The following DNAH7 variants were observed in gnomAD, a reference collection of about 807,000 sequenced individuals.
DNAH7 encodes dynein axonemal heavy chain 7.
Under a neutral mutation model 444.6 loss-of-function variants are expected in DNAH7, and 397 were observed. The ratio of observed to expected loss-of-function variants is 0.89; its 90% CI spans 0.82 to 0.97. The LOEUF is 0.97. DNAH7 is among the 50% of genes least tolerant of loss of function. The pLI is 0.00. For missense variants in DNAH7, 4,902 were observed against 4,800.8 expected, an observed-to-expected ratio of 1.02 and a Z score of -0.62; for synonymous variants, 1,636 against 1,624.4, an observed-to-expected ratio of 1.01 and a Z score of -0.17.
intron 54 of DNAH7, among the ~76,000 whole-genome samples, chr2:195,805,614 C>T (rs1387181062): frequency 6.6e-6 from 1 of 151,860 alleles, no homozygotes; most frequent in Non-Finnish European, 1.5e-5. Context: ...CTTCATAGGC[C>T]CCTTTCTCCT....
intron 1 of DNAH7, among the ~76,000 whole-genome samples, chr2:196,066,820 C>T (rs1026606962): frequency 6.6e-6 from 1 of 152,134 alleles, no homozygotes; most frequent in African/African-American, 2.4e-5. Context: ...GTAAATGTCA[C>T]ATAAAAAATG....
intron 54 of DNAH7, among the ~76,000 whole-genome samples, chr2:195,802,877 T>TC (rs1207924325): frequency 6.6e-6 from 1 of 152,144 alleles, no homozygotes; most frequent in African/African-American, 2.4e-5. Flanking sequence ...CTTCTGAGTC[T>TC]CCTCTGTTTG....
intron 1 of DNAH7, among the ~76,000 whole-genome samples, chr2:196,060,258 G>T (rs1287270549): frequency 6.6e-6 from 1 of 151,996 alleles, no homozygotes; most frequent in Non-Finnish European, 1.5e-5. Flanking sequence ...AAAAAACTAC[G>T]TTTCCATTCA....
intron 35 of DNAH7, among the ~76,000 whole-genome samples, chr2:195,883,449 G>GCC (rs1203503298): frequency 4.3e-4 from 59 of 135,916 alleles, no homozygotes; most frequent in African/African-American, 2.0e-3. Flanking sequence ...CTCAGTCCCC[G>GCC]CTCCCCCCCC....
In DNAH7 at chr2:195,771,797, T is replaced by C. The variant is rs759636184; in HGVS notation, c.11296A>G (p.Ile3766Val). The stretch of plus-strand genomic sequence containing the variant: ...GGGTACCTCCTCATGGCAGCCTCGA[T>C]GTCGAAGTTGTTTGGAAGTTTGCCC... Reference protein sequence around the residue: ...ILGKLPNNFDIEAAMRRYPTT... With the variant: ...ILGKLPNNFDVEAAMRRYPTT... The change falls in exon 61 of 65, where the codon ATC (isoleucine) becomes GTC (valine). Residue 3766 changes from isoleucine (I) to valine (V), a missense_variant. Ile to Val is a conservative substitution (Grantham distance 29). Coordinates refer to ENST00000312428, the MANE Select transcript of DNAH7 (RefSeq NM_018897.3). The C allele has an allele frequency of 6.2e-7, 1 of 1,614,198 alleles. No homozygotes were observed. Among genetic ancestry groups the C allele is most frequent in the Non-Finnish European group, 8.5e-7 (1 of 1,180,034 alleles).
intron 54 of DNAH7, among the ~76,000 whole-genome samples, chr2:195,800,533 C>T (rs1218860044): frequency 1.3e-5 from 2 of 152,180 alleles, no homozygotes; most frequent in African/African-American, 4.8e-5. Context: ...AAAAATGCTT[C>T]TCCCTGAACA....
intron 1 of DNAH7, among the ~76,000 whole-genome samples, chr2:196,062,030 C>T (rs1258390861): frequency 6.6e-6 from 1 of 152,168 alleles, no homozygotes; most frequent in Non-Finnish European, 1.5e-5. Context: ...TTCTCTTCCA[C>T]TTCATCTCTG....
chr2:195,739,367 G>T (rs1692850993), intron 64 of DNAH7, among the ~76,000 whole-genome samples: 2 of 152,040 alleles, frequency 1.3e-5, no homozygotes, highest in Admixed American at 1.3e-4. Flanking sequence ...ACCTGTCTTT[G>T]AGCTGCTGCC....
In DNAH7 at chr2:195,816,080, C is replaced by A. The variant is rs1010415575; in HGVS notation, c.9761+548G>T. On this transcript the variant is annotated intron_variant, in intron 51 of 64. Transcript: ENST00000312428. The stretch of plus-strand genomic sequence containing the variant: ...TTAAAAAATCAAATGAAATTTAATT[C>A]TCTTGTAGATTTAAGTCAGGTCTTA... 3.3e-5 allele frequency among the ~76,000 whole-genome samples: 5 copies of A among 152,268 alleles called. No homozygotes were observed. The South Asian group carries it at 1.0e-3, about 32-fold the overall frequency.
At chr2:195,902,685 T>C (rs1686782083) in intron 27 of DNAH7, 1 of 152,160 alleles carries the variant, frequency 6.6e-6, no homozygotes, top group Non-Finnish European at 1.5e-5. Flanking sequence ...GAAGCAGACA[T>C]ATTTCTGACT....
rs748212285 is a variant in DNAH7, at chr2:195,816,949, A to G, written c.9440T>C (p.Ile3147Thr). 4 of 1,592,396 alleles carry G rather than the reference A, an allele frequency of 2.5e-6. No homozygotes were observed. The highest frequency in any genetic ancestry group is 1.2e-5 in the South Asian group (1 of 86,594). The change falls in exon 51 of 65, where the codon ATA (isoleucine) becomes ACA (threonine). Residue 3147 changes from isoleucine to threonine, a missense_variant. Transcript: ENST00000312428. The part of the protein sequence containing the change: ...GAENKRQLKE[I>T]EDKILEVLSS... ...AAGAACTTCTAAAATCTTGTCTTCTATTTCTTTTAACTGCCTGGAATAAAA... is the reference window on the plus strand; with the variant it reads ...AAGAACTTCTAAAATCTTGTCTTCTGTTTCTTTTAACTGCCTGGAATAAAA...
chr2:195,878,969 AAAC>A (rs1291760109), intron 36 of DNAH7, among the ~76,000 whole-genome samples: 1 of 152,184 alleles, frequency 6.6e-6, no homozygotes, highest in Non-Finnish European at 1.5e-5. Flanking sequence ...ATTTAGAAAA[AAAC>A]TGTAGACTTT....
intron 46 of DNAH7, among the ~76,000 whole-genome samples, chr2:195,849,406 C>CA (rs1699212779): frequency 3.9e-5 from 6 of 152,148 alleles, no homozygotes; most frequent in Admixed American, 3.3e-4. Context: ...ACAGATACAA[C>CA]ACTTGGAGGT....
intron 63 of DNAH7, among the ~76,000 whole-genome samples, chr2:195,744,316 C>T (rs1231984132): frequency 1.5e-4 from 23 of 152,296 alleles, no homozygotes; most frequent in East Asian, 1.4e-3. Flanking sequence ...GGGGGAGGGG[C>T]GCCCGCCATT....
At chr2:195,877,451 A>C (rs1701127161) in intron 36 of DNAH7, among the ~76,000 whole-genome samples, 1 of 152,268 alleles carries the variant, frequency 6.6e-6, no homozygotes, top group South Asian at 2.1e-4. Context: ...AAATGCTTGC[A>C]GCATTCAGCT....
intron 5 of DNAH7, among the ~76,000 whole-genome samples, chr2:196,046,519 T>A (rs1322487386): frequency 6.6e-6 from 1 of 151,950 alleles, no homozygotes; most frequent in African/African-American, 2.4e-5. Context: ...GATCTGAGAG[T>A]GCTTAAGTCA....
rs58054572 is a variant in DNAH7 at position 195,974,755 on chromosome 2, T to TACACACAC, written c.1834-2297_1834-2290dup. 8.7e-3 allele frequency among the ~76,000 whole-genome samples: 1,250 copies of TACACACAC among 143,640 alleles called. 9 individuals carry two copies. Among genetic ancestry groups the TACACACAC allele is most frequent in the African/African-American group, 0.022 (833 of 38,208 alleles). 94.2% of individuals were successfully genotyped at this position (143,640 alleles called of 152,430 possible). On this transcript the variant is annotated intron_variant, in intron 15 of 64. Coordinates refer to ENST00000312428, the MANE Select transcript of DNAH7 (RefSeq NM_018897.3). Reference sequence around the variant, plus strand: ...TATATATAGGCATGTATGTATATTTTACACACACACACACACACACACACA... The same window carrying TACACACAC: ...TATATATAGGCATGTATGTATATTTTACACACACACACACACACACACACACACACACA...
At chr2:196,062,074 T>C (rs191653066) in intron 1 of DNAH7, among the ~76,000 whole-genome samples, 128 of 152,322 alleles carry the variant, frequency 8.4e-4, no homozygotes, top group African/African-American at 2.9e-3. Context: ...TCTAAGATCT[T>C]ATCACTAAAT....
intron 19 of DNAH7, among the ~76,000 whole-genome samples, chr2:195,953,822 A>G (rs570280647): frequency 6.6e-6 from 1 of 152,330 alleles, no homozygotes; most frequent in African/African-American, 2.4e-5. Context: ...AGGAACTCCT[A>G]AGAATGAAGG....
Sources: allele counts gnomAD v4.1 joint callset (sites outside exome capture counted in the v4.1 genomes callset), GRCh38; gene constraint gnomAD v4.1.1; transcripts MANE v1.5; gene names NCBI Gene and HGNC (gene_info 2026-07-23, HGNC 2026-07-21).